RFX7: variants seen among roughly 807,000 people sequenced by gnomAD.
The protein encoded by RFX7 is DNA-binding protein RFX7.
A neutral mutation model predicts 111.8 loss-of-function variants in RFX7; 26 were observed. The ratio of observed to expected loss-of-function variants is 0.23; its 90% CI spans 0.17 to 0.32. The LOEUF is 0.32. Among genes scored for constraint, RFX7 ranks in the 10% least tolerant of loss-of-function variants. The probability of loss-of-function intolerance (pLI) is 1.00; values close to 1 mark genes in which losing one functional copy is unlikely to be tolerated. For synonymous variants in RFX7, 624 were observed against 624.4 expected, an observed-to-expected ratio of 1.00 and a Z score of 0.01; for missense variants, 1,573 against 1,772.9, an observed-to-expected ratio of 0.89 and a Z score of 2.02.
At chr15:56,178,255 C>G (rs1567038032) in intron 3 of RFX7, among the ~76,000 whole-genome samples, 1 of 150,804 alleles carries the variant, frequency 6.6e-6, no homozygotes, top group Non-Finnish European at 1.5e-5. Context: ...AACACCTCCA[C>G]AAAGTCCTCT....
At chr15:56,154,036 C>A (rs1351317574) in intron 3 of RFX7, among the ~76,000 whole-genome samples, 1 of 152,048 alleles carries the variant, frequency 6.6e-6, no homozygotes, top group Non-Finnish European at 1.5e-5. Flanking sequence ...CATTCATAAT[C>A]ACTACTAAGA....
At chr15:56,100,881 G>A (rs898657344) in intron 8 of RFX7, among the ~76,000 whole-genome samples, 7 of 151,878 alleles carry the variant, frequency 4.6e-5, no homozygotes, top group Non-Finnish European at 8.8e-5. Context: ...GGCTTTGTAC[G>A]GTTTTGTTTT....
intron 2 of RFX7, among the ~76,000 whole-genome samples, chr15:56,180,185 T>C (rs1244658678): frequency 1.3e-5 from 2 of 152,200 alleles, no homozygotes; most frequent in African/African-American, 2.4e-5. Context: ...TGCCTTTGTA[T>C]GTAGCCATAC....
chr15:56,089,820 T>C lies in RFX7; in HGVS notation c.*3525A>G, dbSNP rs575120152. The C allele has an allele frequency of 1.3e-5, 2 of 152,282 alleles. No individual in the cohort carries two copies. Among genetic ancestry groups the C allele is most frequent in the South Asian group, 4.1e-4 (2 of 4,822 alleles). The allele number at this position is 152,282 out of a possible 1,614,324, so 9.4% of individuals were successfully genotyped here. On this transcript the variant is annotated 3_prime_UTR_variant, in exon 10 of 10. Transcript: ENST00000559447. ...CCTTCCTAATCTCCACTCCTTTCCT[T>C]TTGTAATTGCTTCTACCACCTGTTC...
chr15:56,145,142 G>C (rs1466070438), intron 3 of RFX7, among the ~76,000 whole-genome samples: 1 of 152,098 alleles, frequency 6.6e-6, no homozygotes, highest in Non-Finnish European at 1.5e-5. Flanking sequence ...ATGTCATTTT[G>C]TCTCTAAATG....
chr15:56,163,174 T>C (rs2141090183), intron 3 of RFX7, among the ~76,000 whole-genome samples: 1 of 152,268 alleles, frequency 6.6e-6, no homozygotes, highest in African/African-American at 2.4e-5. Flanking sequence ...ATGCTTTCTC[T>C]TGTAAAGGGA....
chr15:56,210,248 T>C (rs1567047365), intron 2 of RFX7, among the ~76,000 whole-genome samples: 1 of 152,088 alleles, frequency 6.6e-6, no homozygotes, highest in Non-Finnish European at 1.5e-5. Context: ...AATAGGTGAA[T>C]GCTTCAAGAA....
intron 2 of RFX7, among the ~76,000 whole-genome samples, chr15:56,215,112 CT>C (rs1439909897): frequency 1.3e-5 from 2 of 152,168 alleles, no homozygotes; most frequent in East Asian, 1.9e-4. Context: ...ATGCTTACAT[CT>C]CTTTTATCAA....
At chr15:56,223,882 G>T (rs1567052256) in intron 2 of RFX7, among the ~76,000 whole-genome samples, 1 of 152,066 alleles carries the variant, frequency 6.6e-6, no homozygotes, top group African/African-American at 2.4e-5. Flanking sequence ...ACCAATCCCA[G>T]TAATCACAAA....
intron 3 of RFX7, among the ~76,000 whole-genome samples, chr15:56,154,945 C>T (rs1417007516): frequency 2.0e-5 from 3 of 152,068 alleles, no homozygotes; most frequent in Admixed American, 2.0e-4. Context: ...AAAAAAACAA[C>T]CCCATCAAAA....
Position 56,146,287 on chromosome 15 carries a change from C to G in RFX7, c.196-1804G>C, listed in dbSNP as rs2042469560. ...TAATTTTTTAATTTATTTTTTGTAG[C>G]TTGTTGCTACAAAATTGTTGCCTAG... On this transcript the variant is annotated intron_variant, in intron 3 of 9. Transcript: ENST00000559447. Among the ~76,000 whole-genome samples the G allele has an allele frequency of 2.6e-5, 4 of 151,974 alleles. No homozygotes were observed. In the South Asian group the frequency reaches 8.3e-4, roughly 32 times the overall value.
At chr15:56,173,742 T>A (rs1412598446) in intron 3 of RFX7, among the ~76,000 whole-genome samples, 3 of 151,974 alleles carry the variant, frequency 2.0e-5, no homozygotes, top group Non-Finnish European at 2.9e-5. Context: ...TGCAGTGAGC[T>A]GTGGTTCTGA....
intron 2 of RFX7, among the ~76,000 whole-genome samples, chr15:56,231,947 C>G (rs1291079393): frequency 3.3e-5 from 5 of 152,202 alleles, no homozygotes; most frequent in African/African-American, 9.6e-5. Flanking sequence ...AAAATGATCT[C>G]CTTTGACTCC....
intron 4 of RFX7, 65 bp downstream of exon 4, chr15:56,144,336 C>G: frequency 1.2e-6 from 1 of 819,394 alleles, no homozygotes; most frequent in Non-Finnish European, 1.8e-6. Flanking sequence ...ACATACAGAC[C>G]TCACATATAT....
At chr15:56,100,464 G>A (rs1056714846) in intron 8 of RFX7, among the ~76,000 whole-genome samples, 1 of 151,946 alleles carries the variant, frequency 6.6e-6, no homozygotes, top group Non-Finnish European at 1.5e-5. Context: ...AGAAGAAAAC[G>A]GACTCATTAT....
intron 5 of RFX7, among the ~76,000 whole-genome samples, chr15:56,124,571 C>A (rs1020225409): frequency 6.6e-5 from 10 of 152,186 alleles, no homozygotes; most frequent in Admixed American, 4.6e-4. Context: ...TAACATGATA[C>A]CTCACTGTGG....
At chr15:56,235,113 A>G (rs1288753554) in intron 2 of RFX7, among the ~76,000 whole-genome samples, 1 of 152,170 alleles carries the variant, frequency 6.6e-6, no homozygotes, top group East Asian at 1.9e-4. Context: ...AAGCAAAGAA[A>G]AAGGGTTATG....
At chr15:56,232,307 T>C (rs1356581759) in intron 2 of RFX7, among the ~76,000 whole-genome samples, 3 of 152,188 alleles carry the variant, frequency 2.0e-5, no homozygotes, top group Non-Finnish European at 2.9e-5. Flanking sequence ...TTTCCATACA[T>C]CCTCTGAAAT....
At chr15:56,159,076 T>C (rs1395685976) in intron 3 of RFX7, among the ~76,000 whole-genome samples, 1 of 152,190 alleles carries the variant, frequency 6.6e-6, no homozygotes, top group African/African-American at 2.4e-5. Flanking sequence ...ATTCCATATA[T>C]AAGTGAGATC....
Sources: allele counts gnomAD v4.1 joint callset (sites outside exome capture counted in the v4.1 genomes callset), GRCh38; gene constraint gnomAD v4.1.1; transcripts MANE v1.5; gene names NCBI Gene and HGNC (gene_info 2026-07-23, HGNC 2026-07-21).